KCNIP1: variants seen among roughly 807,000 people sequenced by gnomAD.
KCNIP1 encodes the protein A-type potassium channel modulatory protein KCNIP1.
A neutral mutation model predicts 33.0 loss-of-function variants in KCNIP1; 18 were observed. The observed-to-expected ratio is 0.55, with a 90% CI of 0.38 to 0.81. The LOEUF (loss-of-function observed/expected upper bound fraction) is 0.81, where lower values mean the gene tolerates loss of function less well. Ranked by LOEUF, KCNIP1 falls within the 30% of genes least tolerant of loss-of-function variation. The pLI, the probability that KCNIP1 is intolerant of heterozygous loss-of-function variation, is 0.00. For missense variants in KCNIP1, 238 were observed against 271.6 expected (o/e 0.88, Z 0.87); for synonymous variants, 93 against 98.3 (o/e 0.95, Z 0.32).
chr5:170,384,386 A>G (rs1341306073), intron 1 of KCNIP1, among the ~76,000 whole-genome samples: 1 of 152,200 alleles, frequency 6.6e-6, no homozygotes, highest in African/African-American at 2.4e-5. Context: ...TAAAAGGAGC[A>G]GATGTAGAAG....
chr5:170,691,822 T>C (rs990512830), intron 1 of KCNIP1, among the ~76,000 whole-genome samples: 1 of 152,098 alleles, frequency 6.6e-6, no homozygotes, highest in Non-Finnish European at 1.5e-5. Context: ...GGCACCAGTA[T>C]GCAGGGCAAG....
At chr5:170,589,710 TTGGTGTGGTGTGATG>T (rs1171010791) in intron 1 of KCNIP1, among the ~76,000 whole-genome samples, 6 of 136,002 alleles carry the variant, frequency 4.4e-5, no homozygotes, top group African/African-American at 1.4e-4. Flanking sequence ...TCTGTTTGGT[TTGGTGTGGTGTGATG>T]TGGTGTGGTG....
At chr5:170,562,931 C>T (rs1460215836) in intron 1 of KCNIP1, among the ~76,000 whole-genome samples, 1 of 152,240 alleles carries the variant, frequency 6.6e-6, no homozygotes, top group Non-Finnish European at 1.5e-5. Context: ...TGTTCATCTT[C>T]TCCTGCACTC....
In KCNIP1 at chr5:170,374,251, G is replaced by T. The variant is rs570303481; in HGVS notation, c.88+20287G>T. ...TTGCATTATTTTAAATCTGCATAAT[G>T]CTGAGTCTTCACTGTGAAGAAGGAA... On this transcript the variant is annotated intron_variant, in intron 1 of 7. Coordinates refer to the KCNIP1 transcript ENST00000377360. Among the ~76,000 whole-genome samples the T allele has an allele frequency of 2.6e-5, 4 of 152,282 alleles. No homozygotes were observed. The South Asian group carries it at 8.3e-4, about 32-fold the overall frequency.
At chr5:170,390,647 A>G (rs1043040361) in intron 1 of KCNIP1, among the ~76,000 whole-genome samples, 12 of 151,648 alleles carry the variant, frequency 7.9e-5, no homozygotes, top group South Asian at 2.1e-4. Flanking sequence ...CAAGAATCAA[A>G]GAACCTGAAA....
intron 1 of KCNIP1, among the ~76,000 whole-genome samples, chr5:170,522,307 C>T (rs924189414): frequency 6.6e-6 from 1 of 152,208 alleles, no homozygotes; most frequent in Non-Finnish European, 1.5e-5. Context: ...ATGGTCAGAG[C>T]CTGTTGCCAT....
At chr5:170,394,444 G>A (rs1236283428) in intron 1 of KCNIP1, among the ~76,000 whole-genome samples, 3 of 151,940 alleles carry the variant, frequency 2.0e-5, no homozygotes, top group Non-Finnish European at 2.9e-5. Flanking sequence ...AAGATCTTGC[G>A]GTTTTGTTGT....
At chr5:170,362,978 T>A (rs1236238391) in intron 1 of KCNIP1, among the ~76,000 whole-genome samples, 2 of 152,222 alleles carry the variant, frequency 1.3e-5, no homozygotes, top group Non-Finnish European at 2.9e-5. Context: ...GCTGATTAAC[T>A]CTGCCCAGGC....
intron 1 of KCNIP1, among the ~76,000 whole-genome samples, chr5:170,666,474 T>G (rs1028100493): frequency 1.3e-5 from 2 of 152,216 alleles, no homozygotes; most frequent in Admixed American, 1.3e-4. Flanking sequence ...CCTATTATAA[T>G]TTTCATAATG....
At chr5:170,531,496 T>C (rs1178240167) in intron 1 of KCNIP1, among the ~76,000 whole-genome samples, 2 of 152,190 alleles carry the variant, frequency 1.3e-5, no homozygotes, top group African/African-American at 4.8e-5. Context: ...CATGAGATAA[T>C]GAGACCAAAT....
chr5:170,445,728 T>C lies in KCNIP1; in HGVS notation c.88+91764T>C, dbSNP rs114065125. ...CATCCGGCAACAATTAACCTCTCCC[T>C]TCTCACTATCCCCCGCTCCCTTTCC... On this transcript the variant is annotated intron_variant, in intron 1 of 7. Coordinates refer to the KCNIP1 transcript ENST00000377360. Among the ~76,000 whole-genome samples, 330 of 152,284 alleles carry C rather than the reference T, an allele frequency of 2.2e-3. 2 individuals are homozygous for C. The highest frequency in any genetic ancestry group is 7.5e-3 in the African/African-American group (310 of 41,550).
At chr5:170,700,298 A>G (rs576124415) in intron 1 of KCNIP1, among the ~76,000 whole-genome samples, 115 of 152,292 alleles carry the variant, frequency 7.6e-4, no homozygotes, top group African/African-American at 2.6e-3. Flanking sequence ...CTAAGTTCGC[A>G]TGGTAACCCA....
At chr5:170,536,762 G>T (rs570896560) in intron 1 of KCNIP1, among the ~76,000 whole-genome samples, 3 of 152,230 alleles carry the variant, frequency 2.0e-5, no homozygotes, top group African/African-American at 7.2e-5. Context: ...AATGACCTTG[G>T]CAAACAGCCT....
chr5:170,611,107 C>G (rs189249004), intron 1 of KCNIP1, among the ~76,000 whole-genome samples: 13 of 152,316 alleles, frequency 8.5e-5, no homozygotes, highest in Admixed American at 6.5e-4. Flanking sequence ...TCAAATTCAT[C>G]AAGTGTTTCT....
chr5:170,511,899 A>G (rs1045970653), intron 1 of KCNIP1, among the ~76,000 whole-genome samples: 3 of 152,182 alleles, frequency 2.0e-5, no homozygotes, highest in Non-Finnish European at 4.4e-5. Context: ...AAAACAGTCA[A>G]AACGGGTGCA....
intron 1 of KCNIP1, among the ~76,000 whole-genome samples, chr5:170,685,847 C>A (rs749182243): frequency 6.6e-6 from 1 of 152,136 alleles, no homozygotes; most frequent in Non-Finnish European, 1.5e-5. Flanking sequence ...AAACAAGGCC[C>A]AATTTGAGTA....
chr5:170,480,010 T>A (rs377415563), intron 1 of KCNIP1, among the ~76,000 whole-genome samples: 1 of 152,226 alleles, frequency 6.6e-6, no homozygotes, highest in Admixed American at 6.5e-5. Flanking sequence ...AAGTTTAATA[T>A]GTCAGACCCT....
intron 1 of KCNIP1, chr5:170,377,951 TC>T: frequency 6.6e-6 from 1 of 152,054 alleles, no homozygotes; most frequent in East Asian, 1.9e-4. Context: ...CCCACTTCCA[TC>T]TTTTTCTGTG....
intron 1 of KCNIP1, among the ~76,000 whole-genome samples, chr5:170,702,596 A>T (rs1422284076): frequency 1.3e-5 from 2 of 152,192 alleles, no homozygotes. Flanking sequence ...AAAGTGAAGG[A>T]GACTTGTATT....
Sources: gnomAD v4.1 joint callset for allele counts (sites outside exome capture counted in the v4.1 genomes callset) on GRCh38, gnomAD v4.1.1 for gene constraint, MANE v1.5 for transcripts, NCBI Gene and HGNC (gene_info 2026-07-23, HGNC 2026-07-21) for gene names.